C2orf92: variants seen among roughly 807,000 people sequenced by gnomAD.
C2orf92 encodes the protein chromosome 2 open reading frame 92.
At chr2:97,671,064 G>T in intron 1 of C2orf92, 1 of 153,496 alleles carries the variant, frequency 6.5e-6, no homozygotes, top group East Asian at 1.9e-4. Flanking sequence ...TGATTATCCT[G>T]CCTCAGCCTC....
At chr2:97,701,733 C>G (rs761032586) in intron 7 of C2orf92, among the ~76,000 whole-genome samples, 1 of 152,258 alleles carries the variant, frequency 6.6e-6, no homozygotes, top group African/African-American at 2.4e-5. Flanking sequence ...ATTGGCACAG[C>G]TGTCCTGCTT....
chr2:97,687,170 G>A (rs1027465474), intron 3 of C2orf92, among the ~76,000 whole-genome samples: 5 of 152,074 alleles, frequency 3.3e-5, no homozygotes, highest in African/African-American at 1.2e-4. Context: ...TTCCAGACCA[G>A]CCTAGGCAAC....
At chr2:97,695,699 T>A (rs1676283541) in intron 5 of C2orf92, among the ~76,000 whole-genome samples, 1 of 152,218 alleles carries the variant, frequency 6.6e-6, no homozygotes, top group East Asian at 1.9e-4. Flanking sequence ...TATTTTTCCT[T>A]CAGGAGAAGC....
chr2:97,669,499 G>A (rs1675338259), upstream of C2orf92: 1 of 305,052 alleles, frequency 3.3e-6, no homozygotes, highest in South Asian at 1.6e-4. Flanking sequence ...TGACTTCAGA[G>A]TCCTGGTTAA....
chr2:97,695,512 C>T (rs752938257), intron 5 of C2orf92, among the ~76,000 whole-genome samples: 4 of 152,148 alleles, frequency 2.6e-5, no homozygotes, highest in Admixed American at 6.5e-5. Flanking sequence ...AATGTATCTT[C>T]ACCCTTGAAT....
At chr2:97,697,695 T>G (rs1676355679) in intron 5 of C2orf92, among the ~76,000 whole-genome samples, 1 of 152,152 alleles carries the variant, frequency 6.6e-6, no homozygotes, top group South Asian at 2.1e-4. Context: ...TTAATCATAT[T>G]GTGATAATTT....
At chr2:97,665,246 T>C (rs1172177508), upstream of C2orf92, among the ~76,000 whole-genome samples, 3 of 152,012 alleles carry the variant, frequency 2.0e-5, no homozygotes, top group Non-Finnish European at 1.5e-5. Context: ...TCCCAATGGG[T>C]TGTGAGCATA....
chr2:97,672,324 C>T (rs1158314623), intron 1 of C2orf92: 4 of 150,714 alleles, frequency 2.7e-5, no homozygotes, highest in Non-Finnish European at 5.9e-5. Flanking sequence ...TATTCCGTTC[C>T]GGCAGCTGTC....
chr2:97,685,168 A>C (rs964591144), intron 3 of C2orf92, among the ~76,000 whole-genome samples: 2 of 151,622 alleles, frequency 1.3e-5, no homozygotes, highest in African/African-American at 4.9e-5. Context: ...TGACCTCGTG[A>C]TCCATCCACC....
At position 97,675,914 on chromosome 2, in the gene C2orf92, T is replaced by C; in HGVS notation, c.218T>C (p.Leu73Ser). The C allele has an allele frequency of 2.5e-6, 1 of 398,958 alleles. No homozygotes were observed. Among genetic ancestry groups the C allele is most frequent in the East Asian group, 3.6e-5 (1 of 27,932 alleles). The allele number at this position is 398,958 out of a possible 1,614,324, so 24.7% of individuals were successfully genotyped here. A position where few individuals can be genotyped will look rare whatever the true frequency, so the allele number is the denominator to read the frequency against. Residue 73 changes from leucine (L) to serine (S), a missense_variant, in exon 3 of 8, where the codon TTG becomes TCG. Transcript: ENST00000627399. ...GGTTCAAATGAGCGAGAGGAACATT[T>C]GGCTAAAATATTTGGTAAGTAGCCT... is the stretch of plus-strand genomic sequence containing the variant. The part of the protein sequence containing the change: ...ASGSNEREEH[L>S]AKIFDEILLQ...
chr2:97,691,324 A>T (rs1676128969), intron 5 of C2orf92, among the ~76,000 whole-genome samples: 1 of 152,128 alleles, frequency 6.6e-6, no homozygotes, highest in African/African-American at 2.4e-5. Flanking sequence ...TCCCAAACTG[A>T]CCTGGGCAGG....
upstream of C2orf92, chr2:97,665,748 TATATATATATATATA>T (rs1482837455): frequency 2.7e-5 from 1 of 37,648 alleles, no homozygotes; most frequent in African/African-American, 7.5e-5. Context: ...TATATATATA[TATATATATATATATA>T]TATATATATA....
At chr2:97,697,038 C>T (rs976679430) in intron 5 of C2orf92, among the ~76,000 whole-genome samples, 2 of 152,178 alleles carry the variant, frequency 1.3e-5, no homozygotes, top group African/African-American at 4.8e-5. Context: ...TTTCTTGGTT[C>T]TGCACTCCTT....
chr2:97,685,511 C>T (rs569080302), intron 3 of C2orf92, among the ~76,000 whole-genome samples: 5 of 152,106 alleles, frequency 3.3e-5, no homozygotes, highest in East Asian at 3.9e-4. Context: ...ATGATCTTCC[C>T]GCTTTGGCCT....
At chr2:97,693,187 C>G (rs891962895) in intron 5 of C2orf92, among the ~76,000 whole-genome samples, 2 of 152,140 alleles carry the variant, frequency 1.3e-5, no homozygotes, top group African/African-American at 4.8e-5. Context: ...GAATAATATT[C>G]TATTGTATAT....
rs147989461 is a variant in C2orf92 at position 97,688,571 on chromosome 2, C to T, written c.233-324C>T. On this transcript the variant is annotated intron_variant, in intron 3 of 7. Coordinates refer to ENST00000627399, the MANE Select transcript of C2orf92 (RefSeq NM_001351368.2). Reference sequence around the variant, plus strand: ...TACCCTATTTTTATGAGTCATCTTGCGAACAGCCTCAAAGGTGCATCAGAA... The same window carrying T: ...TACCCTATTTTTATGAGTCATCTTGTGAACAGCCTCAAAGGTGCATCAGAA... 7.6e-3 allele frequency among the ~76,000 whole-genome samples: 1,158 copies of T among 152,210 alleles called. 6 individuals carry two copies. Among genetic ancestry groups the T allele is most frequent in the Middle Eastern group, 0.041 (12 of 294 alleles).
chr2:97,696,303 G>A (rs1676304190), intron 5 of C2orf92, among the ~76,000 whole-genome samples: 1 of 152,134 alleles, frequency 6.6e-6, no homozygotes, highest in Non-Finnish European at 1.5e-5. Context: ...CAGTGACAAA[G>A]CTCACGTCTG....
intron 3 of C2orf92, among the ~76,000 whole-genome samples, chr2:97,685,074 C>T (rs546107910): frequency 3.7e-4 from 56 of 151,256 alleles, no homozygotes; most frequent in Non-Finnish European, 2.8e-4. Context: ...GGACTACAGG[C>T]GCCCGCCACC....
chr2:97,669,933 G>T, intron 1 of C2orf92, 99 bp downstream of exon 1: 1 of 397,938 alleles, frequency 2.5e-6, no homozygotes. Context: ...GAACACAGAT[G>T]CTTTACCTAC....
Sources: gnomAD v4.1 joint callset for allele counts (sites outside exome capture counted in the v4.1 genomes callset) on GRCh38, gnomAD v4.1.1 for gene constraint, MANE v1.5 for transcripts, NCBI Gene and HGNC (gene_info 2026-07-23, HGNC 2026-07-21) for gene names.